MEI4: variants seen among roughly 807,000 people sequenced by gnomAD.
MEI4 encodes meiotic double-stranded break formation protein 4.
In MEI4, 27 loss-of-function variants were observed where a neutral mutation model predicts 31.4. The ratio of observed to expected loss-of-function variants is 0.86; its 90% CI spans 0.63 to 1.19. The LOEUF is 1.19. Among genes scored for constraint, MEI4 ranks in the 50% most tolerant of loss-of-function variants. The pLI is 0.00. For missense variants in MEI4, 329 were observed against 398.9 expected (o/e 0.82, Z 1.49); for synonymous variants, 122 against 145.4 (o/e 0.84, Z 1.16).
chr6:77,867,369 A>G (rs536814047), intron 4 of MEI4, among the ~76,000 whole-genome samples: 47 of 152,330 alleles, frequency 3.1e-4, no homozygotes, highest in Admixed American at 5.2e-4. Context: ...AACTCAAACA[A>G]ATTTACAAGA....
At chr6:77,890,249 C>A (rs1206344674) in intron 4 of MEI4, among the ~76,000 whole-genome samples, 2 of 152,216 alleles carry the variant, frequency 1.3e-5, no homozygotes, top group South Asian at 2.1e-4. Flanking sequence ...GGGAGGGGAG[C>A]TATACCCTGC....
chr6:77,863,456 C>A (rs906046164), intron 4 of MEI4, among the ~76,000 whole-genome samples: 1 of 151,872 alleles, frequency 6.6e-6, no homozygotes, highest in Non-Finnish European at 1.5e-5. Flanking sequence ...CAGTAGCCAA[C>A]TCGATCAACT....
upstream of MEI4, among the ~76,000 whole-genome samples, chr6:77,652,213 A>G (rs1336711935): frequency 6.6e-6 from 1 of 152,222 alleles, no homozygotes; most frequent in Non-Finnish European, 1.5e-5. Flanking sequence ...GAAGGCTGAT[A>G]CAATCATAAT....
In MEI4 at chr6:77,662,529, G is replaced by A. The variant is rs202115308; in HGVS notation, c.-15+9437G>A. ...CGGGGAGCAGAAAGTGTATGTGTCC[G>A]GTGTGAGGAAGAAAATAAATTTTGG... is the stretch of plus-strand genomic sequence containing the variant. On this transcript the variant is annotated intron_variant, in intron 1 of 4. Transcript: ENST00000684080. Among the ~76,000 whole-genome samples, 8 of 152,104 alleles carry A rather than the reference G, an allele frequency of 5.3e-5. No homozygotes were observed. In the East Asian group the frequency reaches 7.7e-4, roughly 15 times the overall value.
At chr6:77,910,194 G>T (rs1209775929) in intron 4 of MEI4, among the ~76,000 whole-genome samples, 3 of 152,096 alleles carry the variant, frequency 2.0e-5, no homozygotes, top group Non-Finnish European at 2.9e-5. Flanking sequence ...CATAGTGTTG[G>T]AAGTTCTGGC....
At chr6:77,699,769 G>A (rs1040014957) in intron 2 of MEI4, among the ~76,000 whole-genome samples, 5 of 152,146 alleles carry the variant, frequency 3.3e-5, no homozygotes, top group Admixed American at 2.0e-4. Context: ...TGTGGATGTC[G>A]TTTCTGTCTG....
At chr6:77,812,506 G>T (rs1218293263) in intron 3 of MEI4, among the ~76,000 whole-genome samples, 1 of 152,122 alleles carries the variant, frequency 6.6e-6, no homozygotes, top group African/African-American at 2.4e-5. Flanking sequence ...AGAGTGTTCT[G>T]TAGGGATTGT....
intron 4 of MEI4, among the ~76,000 whole-genome samples, chr6:77,903,458 T>A (rs1182994049): frequency 6.6e-6 from 1 of 152,182 alleles, no homozygotes; most frequent in Non-Finnish European, 1.5e-5. Flanking sequence ...GGCTAAACTA[T>A]GATGTTTGAC....
intron 3 of MEI4, among the ~76,000 whole-genome samples, chr6:77,810,232 A>G (rs1479681438): frequency 2.6e-5 from 4 of 152,196 alleles, no homozygotes; most frequent in African/African-American, 9.6e-5. Context: ...CAGATGGTTC[A>G]GCATTTTCTG....
chr6:77,814,007 CCTTCAG>C (rs963918299), intron 3 of MEI4, among the ~76,000 whole-genome samples: 8 of 152,000 alleles, frequency 5.3e-5, no homozygotes, highest in African/African-American at 1.9e-4. Context: ...TTTCACAAGA[CCTTCAG>C]TTTAATTCGT....
intron 4 of MEI4, among the ~76,000 whole-genome samples, chr6:77,863,414 G>T (rs983384355): frequency 1.6e-4 from 25 of 152,042 alleles, no homozygotes; most frequent in Non-Finnish European, 2.6e-4. Context: ...GAAAACCAAG[G>T]CACGGGAACT....
rs1561955531 is a variant in MEI4, at chr6:77,714,295, A to G, written c.232+23392A>G. Among the ~76,000 whole-genome samples, 4 of 152,140 alleles carry G rather than the reference A, an allele frequency of 2.6e-5. 1 individual carries two copies. The highest frequency in any genetic ancestry group is 1.5e-5 in the Non-Finnish European group (1 of 68,030). Reference sequence around the variant, plus strand: ...CAACACCATAGTCTATAAAATGTCAATTCTTTTTATTATACTTTGAGAATT... The same window carrying G: ...CAACACCATAGTCTATAAAATGTCAGTTCTTTTTATTATACTTTGAGAATT... On this transcript the variant is annotated intron_variant, in intron 2 of 4. Transcript: ENST00000684080.
intron 1 of MEI4, among the ~76,000 whole-genome samples, chr6:77,666,993 G>T (rs1372265066): frequency 6.6e-6 from 1 of 151,938 alleles, no homozygotes; most frequent in Admixed American, 6.6e-5. Flanking sequence ...TCCTATCAAG[G>T]TTACATTTAT....
At chr6:77,864,546 A>G (rs572647712) in intron 4 of MEI4, among the ~76,000 whole-genome samples, 2 of 152,336 alleles carry the variant, frequency 1.3e-5, no homozygotes, top group South Asian at 4.1e-4. Flanking sequence ...CTAAATATAT[A>G]TGCACCCAAT....
intron 4 of MEI4, among the ~76,000 whole-genome samples, chr6:77,834,854 G>T (rs946623292): frequency 6.6e-6 from 1 of 152,030 alleles, no homozygotes; most frequent in African/African-American, 2.4e-5. Context: ...AAAGTACCCG[G>T]TAGGACAAAG....
chr6:77,708,139 C>T (rs1251925150), intron 2 of MEI4, among the ~76,000 whole-genome samples: 1 of 152,210 alleles, frequency 6.6e-6, no homozygotes, highest in Non-Finnish European at 1.5e-5. Flanking sequence ...AACGTGCACC[C>T]TGAGCCTGGA....
chr6:77,692,632 A>G (rs986883396), intron 2 of MEI4, among the ~76,000 whole-genome samples: 2 of 152,086 alleles, frequency 1.3e-5, no homozygotes, highest in Non-Finnish European at 2.9e-5. Context: ...TTAGACATTT[A>G]TGAATGGTTT....
chr6:77,739,914 C>G (rs1207107614), intron 2 of MEI4, among the ~76,000 whole-genome samples: 1 of 152,104 alleles, frequency 6.6e-6, no homozygotes, highest in Admixed American at 6.6e-5. Context: ...TGAGATCTTT[C>G]TAACTTTCTG....
intron 3 of MEI4, among the ~76,000 whole-genome samples, chr6:77,826,185 T>C (rs761096036): frequency 1.3e-5 from 2 of 152,228 alleles, no homozygotes; most frequent in Non-Finnish European, 2.9e-5. Context: ...ATATAGCACC[T>C]CTTTCAAATG....
Sources: gnomAD v4.1 joint callset for allele counts (sites outside exome capture counted in the v4.1 genomes callset) on GRCh38, gnomAD v4.1.1 for gene constraint, MANE v1.5 for transcripts, NCBI Gene and HGNC (gene_info 2026-07-23, HGNC 2026-07-21) for gene names.